Variants in BPTF observed in about 807,000 individuals in gnomAD.
The protein encoded by BPTF is nucleosome-remodeling factor subunit BPTF.
Under a neutral mutation model 292.5 loss-of-function variants are expected in BPTF, and 18 were observed. The observed-to-expected ratio is 0.06, with a 90% CI of 0.04 to 0.09. The LOEUF (loss-of-function observed/expected upper bound fraction) is 0.09. Ranked by LOEUF, BPTF falls within the 10% of genes least tolerant of loss-of-function variation. The probability of loss-of-function intolerance (pLI) is 1.00; values close to 1 mark genes in which losing one functional copy is unlikely to be tolerated. For synonymous variants in BPTF, 1,225 were observed against 1,251.9 expected (o/e 0.98, Z 0.45); for missense variants, 2,726 against 3,498.7 (o/e 0.78, Z 5.57).
intron 14 of BPTF, among the ~76,000 whole-genome samples, chr17:67,923,563 A>C (rs574114396): frequency 8.7e-5 from 12 of 137,328 alleles, no homozygotes; most frequent in African/African-American, 3.0e-4. Flanking sequence ...GCTCACTGCA[A>C]CCTCTGCCTC....
intron 2 of BPTF, among the ~76,000 whole-genome samples, chr17:67,857,148 ATTTT>A (rs35727338): frequency 1.0e-5 from 1 of 97,638 alleles, no homozygotes; most frequent in Admixed American, 1.4e-4. Context: ...GTCTTTAACA[ATTTT>A]TTTTTTTTTT....
chr17:67,886,604 G>A (rs2060773226), intron 4 of BPTF, among the ~76,000 whole-genome samples: 1 of 152,062 alleles, frequency 6.6e-6, no homozygotes, highest in South Asian at 2.1e-4. Context: ...TAACCACCAT[G>A]CATCAACAGT....
intron 3 of BPTF, among the ~76,000 whole-genome samples, chr17:67,874,212 A>G (rs534601695): frequency 2.0e-5 from 3 of 152,352 alleles, no homozygotes; most frequent in East Asian, 3.9e-4. Flanking sequence ...CCCGTGGTCT[A>G]TAACATGCCA....
At chr17:67,873,151 A>G (rs2059849381) in intron 3 of BPTF, among the ~76,000 whole-genome samples, 1 of 152,286 alleles carries the variant, frequency 6.6e-6, no homozygotes, top group South Asian at 2.1e-4. Context: ...TACTGTGGAT[A>G]TACATGGTAT....
chr17:67,934,377 G>C (rs1472014513), intron 18 of BPTF, among the ~76,000 whole-genome samples: 1 of 151,974 alleles, frequency 6.6e-6, no homozygotes, highest in Non-Finnish European at 1.5e-5. Context: ...AATCAGCTGG[G>C]TGTGATGGCG....
intron 19 of BPTF, among the ~76,000 whole-genome samples, chr17:67,941,376 C>T (rs2065349171): frequency 6.6e-6 from 1 of 152,176 alleles, no homozygotes; most frequent in South Asian, 2.1e-4. Context: ...TTGCTTGAAC[C>T]TGGGAGGCGG....
chr17:67,907,532 T>A (rs1334349877), intron 9 of BPTF, among the ~76,000 whole-genome samples: 3 of 151,982 alleles, frequency 2.0e-5, no homozygotes, highest in African/African-American at 4.8e-5. Context: ...ATTTTTGTAT[T>A]TTTAATAGAG....
chr17:67,881,695 G>A (rs1012212853), intron 4 of BPTF, among the ~76,000 whole-genome samples: 1 of 151,366 alleles, frequency 6.6e-6, no homozygotes, highest in African/African-American at 2.4e-5. Context: ...GTAGAGATGG[G>A]GTTTCACATG....
At chr17:67,966,984 C>T (rs2068176527) in intron 26 of BPTF, among the ~76,000 whole-genome samples, 1 of 151,514 alleles carries the variant, frequency 6.6e-6, no homozygotes, top group Non-Finnish European at 1.5e-5. Context: ...CCTGTATTCC[C>T]AGCTACTCAG....
At chr17:67,916,044 A>G (rs917027886) in intron 11 of BPTF, among the ~76,000 whole-genome samples, 1 of 152,060 alleles carries the variant, frequency 6.6e-6, no homozygotes, top group African/African-American at 2.4e-5. Context: ...GACACTAAAG[A>G]TCTCTAGGAA....
At chr17:67,939,515 G>A (rs946730984) in intron 18 of BPTF, among the ~76,000 whole-genome samples, 3 of 152,184 alleles carry the variant, frequency 2.0e-5, no homozygotes. Flanking sequence ...AGAGGTTTAT[G>A]GAAAACTGTA....
At chr17:67,881,796 G>A (rs962421101) in intron 4 of BPTF, among the ~76,000 whole-genome samples, 1 of 150,020 alleles carries the variant, frequency 6.7e-6, no homozygotes, top group African/African-American at 2.4e-5. Context: ...CCACCCACCT[G>A]GCCCAGAATC....
chr17:67,927,097 G>C (rs1293753706), intron 15 of BPTF, among the ~76,000 whole-genome samples: 1 of 152,164 alleles, frequency 6.6e-6, no homozygotes, highest in Non-Finnish European at 1.5e-5. Flanking sequence ...GTGAGCAGGA[G>C]GCTCACCTAT....
At chr17:67,924,449 C>A (rs1167366399) in intron 14 of BPTF, 98 bp from the exon 15 acceptor site, 4 of 1,223,844 alleles carry the variant, frequency 3.3e-6, no homozygotes, top group African/African-American at 3.0e-5. Flanking sequence ...TAATATCATA[C>A]CTTTGTATGA....
chr17:67,967,342 A>G (rs1354764188), intron 26 of BPTF, among the ~76,000 whole-genome samples: 1 of 150,656 alleles, frequency 6.6e-6, no homozygotes. Flanking sequence ...GGGTTTCACC[A>G]TGTTGGCCAG....
At chr17:67,858,127 G>A (rs2058829517) in intron 2 of BPTF, among the ~76,000 whole-genome samples, 1 of 152,128 alleles carries the variant, frequency 6.6e-6, no homozygotes, top group South Asian at 2.1e-4. Flanking sequence ...GTTTCAGGAG[G>A]GAACAAAATG....
intron 23 of BPTF, among the ~76,000 whole-genome samples, chr17:67,953,513 C>T (rs1555679408): frequency 6.6e-6 from 1 of 151,890 alleles, no homozygotes; most frequent in African/African-American, 2.4e-5. Context: ...CCACTGCAGC[C>T]TCCCAAAGTG....
chr17:67,950,240 G>A (rs1380316686), intron 23 of BPTF, among the ~76,000 whole-genome samples: 2 of 151,640 alleles, frequency 1.3e-5, no homozygotes, highest in Non-Finnish European at 2.9e-5. Flanking sequence ...CAACCTGGGC[G>A]ACAGAGTGAG....
At chr17:67,857,850 G>A (rs1228794196) in intron 2 of BPTF, among the ~76,000 whole-genome samples, 2 of 141,584 alleles carry the variant, frequency 1.4e-5, no homozygotes, top group Admixed American at 7.4e-5. Flanking sequence ...ACAGTGGCGC[G>A]ATCCTTGGCT....
Sources: gnomAD v4.1 joint callset for allele counts (sites outside exome capture counted in the v4.1 genomes callset) on GRCh38, gnomAD v4.1.1 for gene constraint, MANE v1.5 for transcripts, NCBI Gene and HGNC (gene_info 2026-07-23, HGNC 2026-07-21) for gene names.